TMEM272: variants seen among roughly 807,000 people sequenced by gnomAD.
The protein encoded by TMEM272 is transmembrane protein 272.
In TMEM272, 8 loss-of-function variants were observed where a neutral mutation model predicts 3.7. That is an observed-to-expected ratio of 2.17 (90% CI 1.27 to 3.91). The LOEUF is 3.91. Ranked by LOEUF, TMEM272 falls within the 30% of genes most tolerant of loss-of-function variation. TMEM272 has a pLI of 0.00. For synonymous variants in TMEM272, 63 were observed against 39.8 expected, an observed-to-expected ratio of 1.58 and a Z score of -2.20; for missense variants, 166 against 91.5, an observed-to-expected ratio of 1.81 and a Z score of -3.32.
In TMEM272 at chr13:51,820,113, A is replaced by G. The variant is rs77736083; in HGVS notation, c.201+1942T>C. 8.4e-3 allele frequency among the ~76,000 whole-genome samples: 1,283 copies of G among 152,186 alleles called. 14 individuals carry two copies. Among genetic ancestry groups the G allele is most frequent in the Middle Eastern group, 0.027 (8 of 294 alleles). On this transcript the variant is annotated intron_variant, in intron 4 of 4. Coordinates refer to ENST00000629372, the MANE Select transcript of TMEM272 (RefSeq NM_001351003.2). ...CAATACTTAACTTACTAGGCACTCT[A>G]ATTTTCTATTTTATTTTTTAAAAAG... is the stretch of plus-strand genomic sequence containing the variant.
At chr13:51,872,132 T>C in the TMEM272 span, among the ~76,000 whole-genome samples, 185 of 152,224 alleles carry the variant, frequency 1.2e-3, no homozygotes, top group Middle Eastern at 3.4e-3. Flanking sequence ...AACAGATAAC[T>C]GTAGCTTGGA....
At chr13:51,852,880 C>CAAA in the TMEM272 span, among the ~76,000 whole-genome samples, 217 of 110,742 alleles carry the variant, frequency 2.0e-3, no homozygotes, top group African/African-American at 6.1e-3. Context: ...AAAACTCCGT[C>CAAA]AAAAAAAAAA....
At chr13:51,891,060 G>A in the TMEM272 span, among the ~76,000 whole-genome samples, 1 of 152,142 alleles carries the variant, frequency 6.6e-6, no homozygotes, top group Non-Finnish European at 1.5e-5. Flanking sequence ...ATGAGATGTG[G>A]CCAAATTATG....
chr13:51,818,815 G>T (rs1267048692), intron 4 of TMEM272, among the ~76,000 whole-genome samples: 3 of 152,120 alleles, frequency 2.0e-5, no homozygotes, highest in Admixed American at 6.5e-5. Context: ...TGGTATGTGT[G>T]ATCTTTAATG....
chr13:51,885,724 T>C, the TMEM272 span, among the ~76,000 whole-genome samples: 2 of 152,226 alleles, frequency 1.3e-5, no homozygotes, highest in African/African-American at 4.8e-5. Flanking sequence ...GCTTTACTAT[T>C]TGTACAGAAG....
intron 2 of TMEM272, among the ~76,000 whole-genome samples, chr13:51,836,204 C>T (rs1411266651): frequency 6.6e-6 from 1 of 152,132 alleles, no homozygotes; most frequent in East Asian, 1.9e-4. Context: ...GGGAGTTCAG[C>T]CCTTTTTCTC....
At chr13:51,851,379 AGAGGAG>A in the TMEM272 span, among the ~76,000 whole-genome samples, 5 of 150,296 alleles carry the variant, frequency 3.3e-5, no homozygotes, top group African/African-American at 4.9e-5. Context: ...AAGAAGAGGA[AGAGGAG>A]GAGGAGGAGG....
chr13:51,924,896 C>A, the TMEM272 span, among the ~76,000 whole-genome samples: 1 of 152,180 alleles, frequency 6.6e-6, no homozygotes, highest in Admixed American at 6.5e-5. Flanking sequence ...CTGATATAAA[C>A]TGTATTGTGG....
chr13:51,869,384 C>T, the TMEM272 span, among the ~76,000 whole-genome samples: 39 of 152,214 alleles, frequency 2.6e-4, no homozygotes, highest in African/African-American at 8.4e-4. Context: ...TCCCTTTAAA[C>T]GGTATCAATG....
chr13:51,927,608 C>T, the TMEM272 span, among the ~76,000 whole-genome samples: 1 of 152,204 alleles, frequency 6.6e-6, no homozygotes, highest in Non-Finnish European at 1.5e-5. Context: ...AAACTCATCA[C>T]TTTCCTCATC....
the TMEM272 span, among the ~76,000 whole-genome samples, chr13:51,926,004 G>A: frequency 6.6e-6 from 1 of 152,134 alleles, no homozygotes; most frequent in Non-Finnish European, 1.5e-5. Context: ...TATGTGGTAT[G>A]TGTGGCATAT....
chr13:51,866,203 A>G, the TMEM272 span: 2 of 885,948 alleles, frequency 2.3e-6, no homozygotes, highest in East Asian at 2.7e-5. Flanking sequence ...AAGATCCAAT[A>G]AAGTCCTGAG....
At chr13:51,837,798 C>T (rs1474681855) in intron 2 of TMEM272, among the ~76,000 whole-genome samples, 1 of 152,338 alleles carries the variant, frequency 6.6e-6, no homozygotes, top group South Asian at 2.1e-4. Flanking sequence ...CCTTGTTCTG[C>T]TGACCCTCCA....
chr13:51,866,068 A>G, the TMEM272 span: 1 of 1,578,244 alleles, frequency 6.3e-7, no homozygotes, highest in Non-Finnish European at 8.6e-7. Context: ...CCTTCTCCCG[A>G]GGCAGGGCGT....
At chr13:51,887,686 T>G in the TMEM272 span, among the ~76,000 whole-genome samples, 1 of 152,166 alleles carries the variant, frequency 6.6e-6, no homozygotes, top group Non-Finnish European at 1.5e-5. Context: ...AGGTATTTGT[T>G]TCCACGACCA....
At chr13:51,824,591 T>A (rs1322705166) in intron 3 of TMEM272, among the ~76,000 whole-genome samples, 1 of 152,238 alleles carries the variant, frequency 6.6e-6, no homozygotes. Flanking sequence ...CCATGGGAAT[T>A]GGCTTGTGGG....
upstream of TMEM272, among the ~76,000 whole-genome samples, chr13:51,849,580 G>A (rs114563497): frequency 2.0e-5 from 3 of 152,180 alleles, no homozygotes; most frequent in Non-Finnish European, 4.4e-5. Context: ...CTGTGGAACC[G>A]GGCAGTTGTC....
chr13:51,883,557 A>G, the TMEM272 span, among the ~76,000 whole-genome samples: 1 of 152,182 alleles, frequency 6.6e-6, no homozygotes, highest in African/African-American at 2.4e-5. Flanking sequence ...TGATTGGTCC[A>G]TGGGTGAGCT....
At chr13:51,851,451 A>AATT in the TMEM272 span, among the ~76,000 whole-genome samples, 1 of 142,684 alleles carries the variant, frequency 7.0e-6, no homozygotes, top group African/African-American at 2.6e-5. Context: ...ATTTGTAGTC[A>AATT]TTTTTTTTTT....
Sources: gnomAD v4.1 joint callset for allele counts (sites outside exome capture counted in the v4.1 genomes callset) on GRCh38, gnomAD v4.1.1 for gene constraint, MANE v1.5 for transcripts, NCBI Gene and HGNC (gene_info 2026-07-23, HGNC 2026-07-21) for gene names.